The following LGSN variants were observed in gnomAD, a reference collection of about 807,000 sequenced individuals.
LGSN encodes the protein lengsin, lens protein with glutamine synthetase domain.
In LGSN, 21 loss-of-function variants were observed where a neutral mutation model predicts 19.5. The observed-to-expected ratio is 1.07, with a 90% CI of 0.76 to 1.55. LGSN has a LOEUF of 1.55. Ranked by LOEUF, LGSN falls within the 40% of genes most tolerant of loss-of-function variation. LGSN has a pLI of 0.00. For missense variants in LGSN, 673 were observed against 608.5 expected (o/e 1.11, Z -1.12); for synonymous variants, 257 against 215.6 (o/e 1.19, Z -1.68).
At chr6:63,504,260 G>A in the LGSN span, among the ~76,000 whole-genome samples, 1 of 107,900 alleles carries the variant, frequency 9.3e-6, no homozygotes, top group Non-Finnish European at 1.9e-5. Flanking sequence ...TTTTTTTTTT[G>A]AGACAGAGTC....
chr6:63,482,518 C>T, the LGSN span, among the ~76,000 whole-genome samples: 2 of 152,082 alleles, frequency 1.3e-5, 1 homozygote, highest in Non-Finnish European at 2.9e-5. Flanking sequence ...TGCTTCAGAC[C>T]AAGAGTTTGA....
intron 3 of LGSN, among the ~76,000 whole-genome samples, chr6:63,281,630 C>A (rs185493148): frequency 2.0e-3 from 303 of 152,106 alleles, no homozygotes; most frequent in Non-Finnish European, 4.9e-4. Flanking sequence ...ATAAGGCTTT[C>A]TTTTTGCTTA....
At chr6:63,378,741 C>T in the LGSN span, among the ~76,000 whole-genome samples, 1 of 152,124 alleles carries the variant, frequency 6.6e-6, no homozygotes, top group Non-Finnish European at 1.5e-5. Flanking sequence ...CTCACACAAC[C>T]CCACCCCATG....
the LGSN span, chr6:63,549,522 G>A: frequency 6.0e-6 from 4 of 663,422 alleles, no homozygotes; most frequent in East Asian, 5.4e-5. Context: ...GAGAGAGCCT[G>A]ATTTAATTAT....
the LGSN span, among the ~76,000 whole-genome samples, chr6:63,556,521 G>C: frequency 6.6e-6 from 1 of 152,076 alleles, no homozygotes; most frequent in African/African-American, 2.4e-5. Context: ...AATTGCCCTA[G>C]GTGTGCCTTG....
At chr6:63,461,044 C>T in the LGSN span, among the ~76,000 whole-genome samples, 3 of 152,114 alleles carry the variant, frequency 2.0e-5, no homozygotes, top group East Asian at 1.9e-4. Flanking sequence ...CATCTTGTAT[C>T]GTAAATGTCT....
chr6:63,370,976 A>G, the LGSN span, among the ~76,000 whole-genome samples: 1 of 152,180 alleles, frequency 6.6e-6, no homozygotes, highest in Non-Finnish European at 1.5e-5. Flanking sequence ...GATTTTTATC[A>G]TGCGCAATTT....
the LGSN span, among the ~76,000 whole-genome samples, chr6:63,536,701 G>A: frequency 1.3e-5 from 2 of 152,026 alleles, no homozygotes; most frequent in Non-Finnish European, 2.9e-5. Context: ...TTTCTTTATA[G>A]TATTTCCTAC....
chr6:63,420,907 C>A, the LGSN span, among the ~76,000 whole-genome samples: 1 of 151,484 alleles, frequency 6.6e-6, no homozygotes, highest in Non-Finnish European at 1.5e-5. Context: ...GCAAAGAAAT[C>A]AAAAGTCTTG....
chr6:63,419,380 G>A, the LGSN span, among the ~76,000 whole-genome samples: 3 of 152,238 alleles, frequency 2.0e-5, no homozygotes, highest in African/African-American at 7.2e-5. Flanking sequence ...GCTTTACCTA[G>A]CAGGCCTCAA....
intron 1 of LGSN, among the ~76,000 whole-genome samples, chr6:63,304,790 C>T (rs1483786926): frequency 6.6e-6 from 1 of 152,144 alleles, no homozygotes; most frequent in Admixed American, 6.6e-5. Flanking sequence ...TGTTTGCAGA[C>T]AGCCATGTGT....
the LGSN span, among the ~76,000 whole-genome samples, chr6:63,353,604 A>G: frequency 1.5e-3 from 223 of 151,384 alleles, 1 homozygote; most frequent in South Asian, 0.02. Context: ...AAAAAAAAAA[A>G]AAAGAAAAAA....
chr6:63,526,362 T>G, the LGSN span, among the ~76,000 whole-genome samples: 2 of 151,754 alleles, frequency 1.3e-5, no homozygotes, highest in African/African-American at 4.8e-5. Context: ...TCCAGAAGCT[T>G]TGGGTTCTAG....
At chr6:63,541,957 T>A in the LGSN span, among the ~76,000 whole-genome samples, 18 of 152,056 alleles carry the variant, frequency 1.2e-4, no homozygotes, top group Non-Finnish European at 7.4e-5. Context: ...TAAATACACA[T>A]AACTTTTTTA....
chr6:63,496,066 A>G, the LGSN span, among the ~76,000 whole-genome samples: 11 of 152,024 alleles, frequency 7.2e-5, no homozygotes, highest in Non-Finnish European at 1.5e-4. Flanking sequence ...AGCTGAGATG[A>G]CAGGTGACTG....
At chr6:63,332,394 C>T in the LGSN span, among the ~76,000 whole-genome samples, 10 of 152,192 alleles carry the variant, frequency 6.6e-5, no homozygotes, top group East Asian at 5.8e-4. Context: ...TATAGATGGG[C>T]GAGTCTCACT....
At chr6:63,467,785 G>A in the LGSN span, among the ~76,000 whole-genome samples, 7 of 152,080 alleles carry the variant, frequency 4.6e-5, no homozygotes, top group African/African-American at 1.4e-4. Flanking sequence ...TCAGCCTCCC[G>A]GGTTCAAGTG....
chr6:63,316,315 G>C (rs1768860531), intron 1 of LGSN, among the ~76,000 whole-genome samples: 1 of 152,106 alleles, frequency 6.6e-6, no homozygotes, highest in South Asian at 2.1e-4. Context: ...GAAAAGCTAT[G>C]AGTCTCGTTT....
the LGSN span, among the ~76,000 whole-genome samples, chr6:63,463,820 A>C: frequency 6.6e-6 from 1 of 152,184 alleles, no homozygotes; most frequent in East Asian, 1.9e-4. Flanking sequence ...AGTGTTTTGA[A>C]TATATCATCT....
Sources: gnomAD v4.1 joint callset for allele counts (sites outside exome capture counted in the v4.1 genomes callset) on GRCh38, gnomAD v4.1.1 for gene constraint, MANE v1.5 for transcripts, NCBI Gene and HGNC (gene_info 2026-07-23, HGNC 2026-07-21) for gene names.